Variants in ROBO3 observed in about 807,000 individuals in gnomAD.
ROBO3 encodes the protein roundabout guidance receptor 3.
In ROBO3, 97 loss-of-function variants were observed where a neutral mutation model predicts 160.5. The observed-to-expected ratio is 0.60, with a 90% CI of 0.51 to 0.72. The LOEUF (loss-of-function observed/expected upper bound fraction) is 0.72, where lower values mean the gene tolerates loss of function less well. ROBO3 is among the 30% of genes least tolerant of loss of function. ROBO3 has a pLI of 0.00. For missense variants in ROBO3, 1,858 were observed against 1,846.5 expected (o/e 1.01, Z -0.11); for synonymous variants, 780 against 746.2 (o/e 1.05, Z -0.74).
chr11:124,869,838 G>A lies in ROBO3; in HGVS notation c.646-110G>A. 1 of 1,441,672 alleles carries A rather than the reference G, an allele frequency of 6.9e-7. No individual in the cohort carries two copies. The allele number at this position is 1,441,672 out of a possible 1,614,324, so 89.3% of individuals were successfully genotyped here. On this transcript the variant is annotated intron_variant, in intron 3 of 27. Transcript: ENST00000397801. This position sits in a 1 kb window ranked among gnomAD's most constrained non-coding sequence, Gnocchi z 4.2. ...CTTCCTTGGTCTCCTTTATCAGCTT[G>A]CTGTGAGGATCAAATAAACTTTATA...
chr11:124,878,118 C>G lies in ROBO3; in HGVS notation c.3168C>G (p.Ser1056Arg), dbSNP rs751904595. Residue 1056 changes from serine to arginine, a missense_variant, in exon 21 of 28, where the codon AGC (serine) becomes AGG (arginine). Ser to Arg is a moderately radical substitution (Grantham distance 110, BLOSUM62 -1). Transcript: ENST00000397801. The surrounding 1 kb of genome is among the most constrained non-coding windows in gnomAD (Gnocchi z 4.3). ...GCCAGTACGCTCCTCCAGAGTGGAG[C>G]CAGGGGGACAGTGGTATGACTCCAA... ...PWSQYAPPEW[S>R]QGDSGAKGGK... The G allele has an allele frequency of 3.7e-6, 6 of 1,606,672 alleles. No homozygotes were observed. Among genetic ancestry groups the G allele is most frequent in the South Asian group, 1.1e-5 (1 of 90,274 alleles).
At chr11:124,875,757 T>A in intron 15 of ROBO3, 72 bp downstream of exon 15, 1 of 1,533,550 alleles carries the variant, frequency 6.5e-7, no homozygotes, top group Non-Finnish European at 8.9e-7. Flanking sequence ...GTGGCTAGAA[T>A]TAGGGTGGAG....
intron 15 of ROBO3, 52 bp downstream of exon 15, chr11:124,875,737 G>A (rs980635451): frequency 1.3e-6 from 2 of 1,559,358 alleles, no homozygotes; most frequent in African/African-American, 2.7e-5. Context: ...GGAGGGAGAG[G>A]GAGGACCTAG....
intron 1 of ROBO3, among the ~76,000 whole-genome samples, chr11:124,866,333 C>T (rs908457864): frequency 6.6e-6 from 1 of 152,184 alleles, no homozygotes; most frequent in African/African-American, 2.4e-5. Flanking sequence ...GCGGAGCTGG[C>T]GGCGAGGTCG....
rs1188061608 is a variant in ROBO3 at position 124,873,321 on chromosome 11, G to A, written c.1548G>A (p.Met516Ile). 2 of 1,610,104 alleles carry A rather than the reference G, an allele frequency of 1.2e-6. No homozygotes were observed. Among genetic ancestry groups the A allele is most frequent in the African/African-American group, 1.3e-5 (1 of 74,968 alleles). Residue 516 changes from methionine (M) to isoleucine (I), a missense_variant, in exon 10 of 28, where the codon ATG (methionine) becomes ATA (isoleucine). Coordinates refer to ENST00000397801, the MANE Select transcript of ROBO3 (RefSeq NM_022370.4). The surrounding 1 kb of genome is among the most constrained non-coding windows in gnomAD (Gnocchi z 4.5). ...GCCCTCTCTTCCAGGAGATGGACAT[G>A]GGCTTCTACAGCTGCGTGGCCAAGA... ...LYIANVQEMD[M>I]GFYSCVAKSS...
rs1219184873 is a variant in ROBO3, at chr11:124,870,823, G to C, written c.1033+95G>C. 4.5e-6 allele frequency: 7 copies of C among 1,554,636 alleles called. No homozygotes were observed. The East Asian group carries it at 7.0e-5, about 15-fold the overall frequency. On this transcript the variant is annotated intron_variant, in intron 6 of 27. Transcript: ENST00000397801. ...GACTGAGGGAGAAAGGGCAGAGAAG[G>C]GCATGTGGATGGAACACCTGAGACT...
At chr11:124,880,801 C>G (rs1946563862) in intron 27 of ROBO3, among the ~76,000 whole-genome samples, 193 bp downstream of exon 27, 1 of 152,140 alleles carries the variant, frequency 6.6e-6, no homozygotes, top group African/African-American at 2.4e-5. Flanking sequence ...TGCCTGTAAT[C>G]CCAGCACTTT....
chr11:124,867,140 A>G (rs1946208576), intron 1 of ROBO3, among the ~76,000 whole-genome samples: 1 of 152,110 alleles, frequency 6.6e-6, no homozygotes, highest in Admixed American at 6.5e-5. Context: ...AGATCAGTCC[A>G]TTTCCATTAC....
rs1946254639 is a variant in ROBO3, at chr11:124,869,746, G to A, written c.645+139G>A. ...CTATACAGTGAGGGATAAGGAAGAC[G>A]GAATTGGTATAAAAAAGGGGCGGGG... On this transcript the variant is annotated intron_variant, in intron 3 of 27. Transcript: ENST00000397801. This position sits in a 1 kb window ranked among gnomAD's most constrained non-coding sequence, Gnocchi z 4.2. 5.5e-6 allele frequency: 7 copies of A among 1,267,946 alleles called. No homozygotes were observed. Among genetic ancestry groups the A allele is most frequent in the African/African-American group, 3.0e-5 (2 of 66,588 alleles). The allele number at this position is 1,267,946 out of a possible 1,614,324, so 78.5% of individuals were successfully genotyped here.
In ROBO3 at chr11:124,874,067, T is replaced by G. The variant is rs1269667582; in HGVS notation, c.1785-3T>G. On this transcript the variant is annotated splice_polypyrimidine_tract_variant and splice_region_variant and intron_variant, in intron 11 of 27. Coordinates refer to ENST00000397801, the MANE Select transcript of ROBO3 (RefSeq NM_022370.4). Reference sequence around the variant, plus strand: ...CAACCCTGTCATCTCCTTCTTGTTGTAGCCCAGCAGCTGGCAACACATGGC... The same window carrying G: ...CAACCCTGTCATCTCCTTCTTGTTGGAGCCCAGCAGCTGGCAACACATGGC... 1.9e-6 allele frequency: 3 copies of G among 1,613,906 alleles called. No individual in the cohort carries two copies. Among genetic ancestry groups the G allele is most frequent in the Non-Finnish European group, 2.5e-6 (3 of 1,179,866 alleles).
Position 124,873,158 on chromosome 11 carries a change from G to A in ROBO3, c.1536+69G>A. ...TGCTCCACGTTCCTTACACAAGTAAGTACTCACTGGGCCTGTAGCCCCATC... is the reference window on the plus strand; with the variant it reads ...TGCTCCACGTTCCTTACACAAGTAAATACTCACTGGGCCTGTAGCCCCATC... On this transcript the variant is annotated intron_variant, in intron 9 of 27. Transcript: ENST00000397801. This position sits in a 1 kb window ranked among gnomAD's most constrained non-coding sequence, Gnocchi z 4.5. 6.6e-7 allele frequency: 1 copy of A among 1,511,130 alleles called. No individual in the cohort carries two copies. Among genetic ancestry groups the A allele is most frequent in the Non-Finnish European group, 9.1e-7 (1 of 1,098,706 alleles). The allele number at this position is 1,511,130 out of a possible 1,614,324, so 93.6% of individuals were successfully genotyped here. A position where few individuals can be genotyped will look rare whatever the true frequency, so the allele number is the denominator to read the frequency against.
intron 6 of ROBO3, 43 bp from the exon 7 acceptor site, chr11:124,870,971 T>G (rs1191845350): frequency 7.5e-6 from 12 of 1,590,878 alleles, no homozygotes; most frequent in Non-Finnish European, 1.0e-5. Flanking sequence ...CCTTTCTTAG[T>G]GCCTCTGACT....
rs757387893 is a variant in ROBO3 at position 124,879,916 on chromosome 11, C to T, written c.3926C>T (p.Pro1309Leu). The T allele has an allele frequency of 5.0e-6, 8 of 1,600,802 alleles. No individual in the cohort carries two copies. The highest frequency in any genetic ancestry group is 6.0e-6 in the Non-Finnish European group (7 of 1,174,376). The change falls in exon 26 of 28, where the codon CCC (proline) becomes CTC (leucine). Residue 1309 changes from proline (P) to leucine (L), a missense_variant. Coordinates refer to ENST00000397801, the MANE Select transcript of ROBO3 (RefSeq NM_022370.4). ...SGERKAVQAV[P>L]LAAQRVLHPD... ...GAGAGGAAAGCGGTCCAGGCCGTGC[C>T]CCTGGCAGCCCAGCGGGTGCTCCAC... is the stretch of plus-strand genomic sequence containing the variant.
intron 6 of ROBO3, 45 bp downstream of exon 6, chr11:124,870,773 G>C: frequency 6.3e-7 from 1 of 1,596,730 alleles, no homozygotes; most frequent in Non-Finnish European, 8.5e-7. Flanking sequence ...ATGGTAGGAG[G>C]GGAGAAGGAG....
Position 124,878,032 on chromosome 11 carries a change from G to A in ROBO3, c.3082G>A (p.Glu1028Lys), listed in dbSNP as rs2135342173. ...VYSTIDPAGEELQTFHGGFPQ... is the reference protein window; with the variant it reads ...VYSTIDPAGEKLQTFHGGFPQ... ...TAGCACCATTGACCCAGCGGGGGAG[G>A]AGCTGCAGACCTTCCATGGGGGCTT... Residue 1028 changes from glutamate to lysine, a missense_variant, in exon 21 of 28, where the codon GAG (glutamate) becomes AAG (lysine). Transcript: ENST00000397801. The surrounding 1 kb of genome is among the most constrained non-coding windows in gnomAD (Gnocchi z 4.3). 6.2e-7 allele frequency: 1 copy of A among 1,612,700 alleles called. No individual in the cohort carries two copies. Among genetic ancestry groups the A allele is most frequent in the South Asian group, 1.1e-5 (1 of 90,824 alleles).
intron 1 of ROBO3, 116 bp from the exon 2 acceptor site, chr11:124,868,686 G>C: frequency 9.4e-7 from 1 of 1,067,368 alleles, no homozygotes; most frequent in Non-Finnish European, 1.4e-6. Context: ...TGGGGACTGA[G>C]CTCCGCAGAG....
Position 124,878,607 on chromosome 11 carries a change from C to G in ROBO3, c.3344C>G (p.Pro1115Arg), listed in dbSNP as rs938459280. The change falls in exon 23 of 28, where the codon CCG becomes CGG. Residue 1115 changes from proline (P) to arginine (R), a missense_variant. Physicochemically the swap from Pro to Arg is moderately radical, Grantham distance 103 (BLOSUM62 -2). Coordinates refer to ENST00000397801, the MANE Select transcript of ROBO3 (RefSeq NM_022370.4). The surrounding 1 kb of genome is among the most constrained non-coding windows in gnomAD (Gnocchi z 4.3). ...AGCTCAGAGCCAGAGGAGTGGTGCCCGCCAATGCCTGAGAGAAGTCACCTG... is the reference window on the plus strand; with the variant it reads ...AGCTCAGAGCCAGAGGAGTGGTGCCGGCCAATGCCTGAGAGAAGTCACCTG... ...EGSSEPEEWC[P>R]PMPERSHLTE... 2 of 1,611,996 alleles carry G rather than the reference C, an allele frequency of 1.2e-6. No individual in the cohort carries two copies. Among genetic ancestry groups the G allele is most frequent in the Non-Finnish European group, 1.7e-6 (2 of 1,179,134 alleles).
chr11:124,874,481 G>A (rs1191718939), intron 12 of ROBO3, among the ~76,000 whole-genome samples: 6 of 152,142 alleles, frequency 3.9e-5, no homozygotes, highest in Non-Finnish European at 8.8e-5. Flanking sequence ...CATTTTGGCA[G>A]CTTCTGACTT....
At position 124,878,075 on chromosome 11, in the gene ROBO3, G is replaced by A. The variant is rs2135342570; in HGVS notation, c.3125G>A (p.Gly1042Glu). 1 of 1,612,590 alleles carries A rather than the reference G, an allele frequency of 6.2e-7. No individual in the cohort carries two copies. Among genetic ancestry groups the A allele is most frequent in the South Asian group, 1.1e-5 (1 of 90,858 alleles). ...FHGGFPQHPS[G>E]DLGPWSQYAP... ...GGGGGCTTCCCCCAACATCCCTCAG[G>A]AGATCTGGGTCCCTGGAGCCAGTAC... Residue 1042 changes from glycine (G) to glutamate (E), a missense_variant, in exon 21 of 28, where the codon GGA becomes GAA. Coordinates refer to ENST00000397801, the MANE Select transcript of ROBO3 (RefSeq NM_022370.4). The surrounding 1 kb of genome is among the most constrained non-coding windows in gnomAD (Gnocchi z 4.3).
Sources: allele counts gnomAD v4.1 joint callset (sites outside exome capture counted in the v4.1 genomes callset), GRCh38; gene constraint gnomAD v4.1.1; non-coding constraint Gnocchi (gnomAD v3.1); transcripts MANE v1.5; gene names NCBI Gene and HGNC (gene_info 2026-07-23, HGNC 2026-07-21).